MOV10L1: variants seen among roughly 807,000 people sequenced by gnomAD.
MOV10L1 encodes Mov10 like RNA helicase 1, also known as RNA helicase Mov10l1.
A neutral mutation model predicts 143.8 loss-of-function variants in MOV10L1; 110 were observed. The ratio of observed to expected loss-of-function variants is 0.76; its 90% CI spans 0.66 to 0.90. The LOEUF is 0.90. Ranked by LOEUF, MOV10L1 falls within the 40% of genes least tolerant of loss-of-function variation. The pLI is 0.00. For synonymous variants in MOV10L1, 593 were observed against 581.1 expected (o/e 1.02, Z -0.29); for missense variants, 1,406 against 1,526.8 (o/e 0.92, Z 1.32).
In MOV10L1 at chr22:50,125,483, T is replaced by C. The variant is rs375117683; in HGVS notation, c.1661T>C (p.Met554Thr). 45 of 1,614,104 alleles carry C rather than the reference T, an allele frequency of 2.8e-5. No homozygotes were observed. The highest frequency in any genetic ancestry group is 3.6e-5 in the Non-Finnish European group (43 of 1,180,048). ...YAEMELKEYN[M>T]SGIILRRNGD... ...GAAATGGAACTGAAAGAGTATAACA[T>C]GAGCGGGATCATCTTAAGAAGGAAT... is the stretch of plus-strand genomic sequence containing the variant. Residue 554 changes from methionine to threonine, a missense_variant, in exon 11 of 27, where the codon ATG becomes ACG. Met to Thr is a moderately conservative substitution (Grantham distance 81). Around this residue, in one of 3 missense-constraint regions of MOV10L1, gnomAD observed 1,233 missense variants for 1,351.4 expected, o/e 0.91. Coordinates refer to ENST00000262794, the MANE Select transcript of MOV10L1 (RefSeq NM_018995.3).
rs765421753 is a variant in MOV10L1 at position 50,111,635 on chromosome 22, C to T, written c.744-2013C>T. Among the ~76,000 whole-genome samples, 11 of 151,998 alleles carry T rather than the reference C, an allele frequency of 7.2e-5. No individual in the cohort carries two copies. In the South Asian group the frequency reaches 2.1e-3, roughly 29 times the overall value. On this transcript the variant is annotated intron_variant, in intron 5 of 26. Transcript: ENST00000262794. The stretch of plus-strand genomic sequence containing the variant: ...TCACCCACCTCAGCCTCCTGAGTAG[C>T]TGGGACTATAGGCACCTGCCACCAT...
rs116761959 is a variant in MOV10L1 at position 50,122,773 on chromosome 22, T to A, written c.1569+2157T>A. 4.2e-3 allele frequency among the ~76,000 whole-genome samples: 607 copies of A among 142,948 alleles called. 6 individuals are homozygous for A. The highest frequency in any genetic ancestry group is 0.014 in the African/African-American group (565 of 39,992). 93.8% of individuals were successfully genotyped at this position (142,948 alleles called of 152,430 possible). A position where few individuals can be genotyped will look rare whatever the true frequency, so the allele number is the denominator to read the frequency against. On this transcript the variant is annotated intron_variant, in intron 10 of 26. Coordinates refer to ENST00000262794, the MANE Select transcript of MOV10L1 (RefSeq NM_018995.3). ...TTTTTCTTCTTTTCCTTTTTCTCTTTTTTATTTATTTATTTATTTATTTAT... is the reference window on the plus strand; with the variant it reads ...TTTTTCTTCTTTTCCTTTTTCTCTTATTTATTTATTTATTTATTTATTTAT...
Position 50,102,911 on chromosome 22 carries a change from A to AG in MOV10L1, c.442+3310dup, listed in dbSNP as rs1015230877. The stretch of plus-strand genomic sequence containing the variant: ...GCAAAACTCCTTCTCAAAAAAAAAA[A>AG]GAAAAAGTAATTAACATCTTCTGCT... On this transcript the variant is annotated intron_variant, in intron 3 of 26. Transcript: ENST00000262794. Among the ~76,000 whole-genome samples, 19 of 152,156 alleles carry AG rather than the reference A, an allele frequency of 1.2e-4. 1 individual carries two copies. Among genetic ancestry groups the AG allele is most frequent in the Admixed American group, 2.6e-4 (4 of 15,284 alleles).
At chr22:50,150,638 T>A in intron 20 of MOV10L1, 97 bp from the exon 21 acceptor site, 1 of 1,369,626 alleles carries the variant, frequency 7.3e-7, no homozygotes, top group Non-Finnish European at 1.0e-6. Context: ...AGAGTGAGCA[T>A]GGGGCCATCC....
intron 10 of MOV10L1, among the ~76,000 whole-genome samples, chr22:50,123,103 T>C (rs1441698089): frequency 1.3e-5 from 2 of 148,804 alleles, no homozygotes; most frequent in East Asian, 2.0e-4. Flanking sequence ...CCCAGCTACC[T>C]GGGAGGCGCT....
In MOV10L1 at chr22:50,117,263, G is replaced by T; in HGVS notation, c.1366G>T (p.Ala456Ser). The change falls in exon 9 of 27, where the codon GCG (alanine) becomes TCG (serine). Residue 456 changes from alanine to serine, a missense_variant. Coordinates refer to ENST00000262794, the MANE Select transcript of MOV10L1 (RefSeq NM_018995.3). ...VISGEESLIA[A>S]REPFSWKKLK... is the part of the protein sequence containing the mutation. ...CAGTGGGGAGGAGTCACTAATTGCTGCGCGCGAACCATTTTCTTGGAAAAA... is the reference window on the plus strand; with the variant it reads ...CAGTGGGGAGGAGTCACTAATTGCTTCGCGCGAACCATTTTCTTGGAAAAA... 1.2e-6 allele frequency: 2 copies of T among 1,614,072 alleles called. No homozygotes were observed. The highest frequency in any genetic ancestry group is 1.7e-6 in the Non-Finnish European group (2 of 1,180,008).
intron 21 of MOV10L1, among the ~76,000 whole-genome samples, chr22:50,151,144 G>A (rs1315556809): frequency 1.3e-5 from 2 of 152,234 alleles, no homozygotes. Context: ...GTTAAGAAAA[G>A]CAAGAAATAA....
intron 20 of MOV10L1, 130 bp from the exon 21 acceptor site, chr22:50,150,605 C>T: frequency 9.7e-7 from 1 of 1,031,536 alleles, no homozygotes; most frequent in Non-Finnish European, 1.4e-6. Flanking sequence ...GTCTCCCAGT[C>T]CCTCCCGTCG....
chr22:50,148,204 T>A (rs1010723614), intron 19 of MOV10L1, among the ~76,000 whole-genome samples: 2 of 152,200 alleles, frequency 1.3e-5, no homozygotes, highest in African/African-American at 4.8e-5. Flanking sequence ...CTCTGCCCCA[T>A]ACCTGCTTCC....
Position 50,158,111 on chromosome 22 carries a change from G to T in MOV10L1, c.3121G>T (p.Val1041Phe). ...ATCGTGGTTCAACCCGGCCGAGGCC[G>T]TCCAGGTCCTGCGCTACTGCTGCCT... ...SPSWFNPAEA[V>F]QVLRYCCLLA... Residue 1041 changes from valine to phenylalanine, a missense_variant, in exon 23 of 27, where the codon GTC becomes TTC. Coordinates refer to ENST00000262794, the MANE Select transcript of MOV10L1 (RefSeq NM_018995.3). The surrounding 1 kb of genome is among the most constrained non-coding windows in gnomAD (Gnocchi z 5.0). 6.2e-7 allele frequency: 1 copy of T among 1,614,186 alleles called. No individual in the cohort carries two copies.
intron 15 of MOV10L1, among the ~76,000 whole-genome samples, chr22:50,134,971 T>C (rs1355112076): frequency 6.6e-6 from 1 of 152,132 alleles, no homozygotes; most frequent in African/African-American, 2.4e-5. Flanking sequence ...AGTACAGATG[T>C]TTATATGACC....
chr22:50,143,828 A>G (rs938309225), intron 17 of MOV10L1, among the ~76,000 whole-genome samples: 1 of 148,790 alleles, frequency 6.7e-6, no homozygotes, highest in Non-Finnish European at 1.5e-5. Context: ...ACCACACGCC[A>G]GATGTGTGCA....
intron 10 of MOV10L1, among the ~76,000 whole-genome samples, chr22:50,123,980 T>C: frequency 6.6e-6 from 1 of 152,234 alleles, no homozygotes; most frequent in East Asian, 1.9e-4. Context: ...TCTGTAGTAA[T>C]GTTCCCACTT....
chr22:50,105,964 G>A (rs1239006841), intron 3 of MOV10L1, among the ~76,000 whole-genome samples: 2 of 152,210 alleles, frequency 1.3e-5, no homozygotes, highest in African/African-American at 4.8e-5. Context: ...CATTTCTGCT[G>A]TCTCAGCTTC....
Position 50,125,429 on chromosome 22 carries a change from C to G in MOV10L1, c.1607C>G (p.Thr536Ser). The change falls in exon 11 of 27, where the codon ACT becomes AGT. Residue 536 changes from threonine to serine, a missense_variant. Coordinates refer to ENST00000262794, the MANE Select transcript of MOV10L1 (RefSeq NM_018995.3). ...NMSNYKEKFSTLLWLEEIYAE... is the reference protein window; with the variant it reads ...NMSNYKEKFSSLLWLEEIYAE... ...TCAAATTACAAGGAGAAGTTTTCGA[C>G]TTTGCTGTGGCTTGAGGAGATTTAT... 6.2e-7 allele frequency: 1 copy of G among 1,614,200 alleles called. No homozygotes were observed. The highest frequency in any genetic ancestry group is 8.5e-7 in the Non-Finnish European group (1 of 1,180,034).
At chr22:50,125,271 C>G (rs1161798950) in intron 10 of MOV10L1, 121 bp from the exon 11 acceptor site, 1 of 953,128 alleles carries the variant, frequency 1.0e-6, no homozygotes, top group Non-Finnish European at 1.6e-6. Flanking sequence ...CGGCGAGGAT[C>G]GCCCCACCTG....
At chr22:50,155,802 C>T (rs2063412109) in intron 22 of MOV10L1, among the ~76,000 whole-genome samples, 1 of 152,058 alleles carries the variant, frequency 6.6e-6, no homozygotes, top group Non-Finnish European at 1.5e-5. Context: ...ATTCTAGGGC[C>T]GGATGTGGGA....
Position 50,158,672 on chromosome 22 carries a change from C to T in MOV10L1, c.3216+466C>T, listed in dbSNP as rs2063485707. The T allele has an allele frequency of 6.4e-6, 1 of 156,300 alleles. No homozygotes were observed. The highest frequency in any genetic ancestry group is 1.9e-4 in the South Asian group (1 of 5,228). The allele number at this position is 156,300 out of a possible 1,614,324, so 9.7% of individuals were successfully genotyped here. A position where few individuals can be genotyped will look rare whatever the true frequency, so the allele number is the denominator to read the frequency against. Reference sequence around the variant, plus strand: ...ACACGTTCACAGTGGCTCTGGAGCTCTGGTGGGGACACAGGTGCCTCCCAT... The same window carrying T: ...ACACGTTCACAGTGGCTCTGGAGCTTTGGTGGGGACACAGGTGCCTCCCAT... On this transcript the variant is annotated intron_variant, in intron 23 of 26. Transcript: ENST00000262794. This position sits in a 1 kb window ranked among gnomAD's most constrained non-coding sequence, Gnocchi z 5.0.
intron 12 of MOV10L1, among the ~76,000 whole-genome samples, chr22:50,127,607 G>C (rs967576481): frequency 1.3e-5 from 2 of 152,172 alleles, no homozygotes; most frequent in Admixed American, 6.5e-5. Context: ...CCAGGGTGTT[G>C]CCTGAGTCAC....
Sources: allele counts gnomAD v4.1 joint callset (sites outside exome capture counted in the v4.1 genomes callset), GRCh38; gene constraint gnomAD v4.1.1; regional missense constraint gnomAD v4.1.1; non-coding constraint Gnocchi (gnomAD v3.1); transcripts MANE v1.5; gene names NCBI Gene and HGNC (gene_info 2026-07-23, HGNC 2026-07-21).